Variants in ADAMTSL3 observed in about 807,000 individuals in gnomAD.
ADAMTSL3 encodes the protein ADAMTS like 3, also known as ADAMTS-like protein 3.
Under a neutral mutation model 201.7 loss-of-function variants are expected in ADAMTSL3, and 128 were observed. That is an observed-to-expected ratio of 0.63 (90% CI 0.55 to 0.73). The LOEUF (loss-of-function observed/expected upper bound fraction) is 0.73. Among genes scored for constraint, ADAMTSL3 ranks in the 30% least tolerant of loss-of-function variants. ADAMTSL3 has a pLI of 0.00. For synonymous variants in ADAMTSL3, 738 were observed against 748.4 expected (o/e 0.99, Z 0.23); for missense variants, 1,990 against 2,119.6 (o/e 0.94, Z 1.20).
chr15:83,957,069 A>G lies in ADAMTSL3; in HGVS notation c.2491-13415A>G, dbSNP rs550607809. ...CAGAGCTACGTGAAAATTGAAGGGAAACGTTTAAGTCTGCCTGGGTCACTG... is the reference window on the plus strand; with the variant it reads ...CAGAGCTACGTGAAAATTGAAGGGAGACGTTTAAGTCTGCCTGGGTCACTG... On this transcript the variant is annotated intron_variant, in intron 19 of 29. Coordinates refer to ENST00000286744, the MANE Select transcript of ADAMTSL3 (RefSeq NM_207517.3). 2.0e-5 allele frequency among the ~76,000 whole-genome samples: 3 copies of G among 152,320 alleles called. No homozygotes were observed. In the East Asian group the frequency reaches 5.8e-4, roughly 29 times the overall value.
At chr15:83,937,554 AG>A (rs1411152262) in intron 17 of ADAMTSL3, among the ~76,000 whole-genome samples, 1 of 150,858 alleles carries the variant, frequency 6.6e-6, no homozygotes. Flanking sequence ...AGTACCTACC[AG>A]GTACTATGCT....
At chr15:83,690,429 C>T (rs375495412) in intron 2 of ADAMTSL3, among the ~76,000 whole-genome samples, 3 of 152,246 alleles carry the variant, frequency 2.0e-5, no homozygotes, top group South Asian at 2.1e-4. Context: ...TGTTGCCCCC[C>T]GTCTCCTGTC....
At chr15:83,752,066 G>A (rs2062644872) in intron 3 of ADAMTSL3, among the ~76,000 whole-genome samples, 1 of 152,160 alleles carries the variant, frequency 6.6e-6, no homozygotes, top group Non-Finnish European at 1.5e-5. Flanking sequence ...GGCTACTGAT[G>A]CAATTGAAGA....
intron 9 of ADAMTSL3, among the ~76,000 whole-genome samples, chr15:83,884,324 TG>T (rs2065343569): frequency 6.6e-6 from 1 of 150,382 alleles, no homozygotes; most frequent in South Asian, 2.1e-4. Flanking sequence ...GTTACCTCAT[TG>T]GTGCCCTATT....
chr15:83,971,578 G>GA (rs1484317891), intron 20 of ADAMTSL3, among the ~76,000 whole-genome samples: 1 of 102,144 alleles, frequency 9.8e-6, no homozygotes, highest in African/African-American at 3.1e-5. Context: ...AAAAAAAAAA[G>GA]AAAGAAAGAA....
chr15:83,823,425 G>C (rs2063930418), intron 6 of ADAMTSL3, among the ~76,000 whole-genome samples: 1 of 152,064 alleles, frequency 6.6e-6, no homozygotes, highest in African/African-American at 2.4e-5. Flanking sequence ...TTTCAAACTA[G>C]CTTCAACTTT....
intron 17 of ADAMTSL3, among the ~76,000 whole-genome samples, chr15:83,936,761 T>C (rs953658186): frequency 6.6e-6 from 1 of 150,962 alleles, no homozygotes; most frequent in Admixed American, 6.6e-5. Context: ...TAGCAAACTA[T>C]GCATCCAGTG....
chr15:83,982,985 G>C lies in ADAMTSL3; in HGVS notation c.3357G>C (p.Gln1119His), dbSNP rs771953353. 6.2e-7 allele frequency: 1 copy of C among 1,614,172 alleles called. No individual in the cohort carries two copies. The highest frequency in any genetic ancestry group is 8.5e-7 in the Non-Finnish European group (1 of 1,180,038). Reference protein sequence around the residue: ...TGEVSDDLASQLIYQLVAELA... With the variant: ...TGEVSDDLASHLIYQLVAELA... ...AGGTCAGCGATGATCTTGCGTCCCAGCTGATATATCAGCTGGTGGCCGAAT... is the reference window on the plus strand; with the variant it reads ...AGGTCAGCGATGATCTTGCGTCCCACCTGATATATCAGCTGGTGGCCGAAT... The change falls in exon 21 of 30, where the codon CAG becomes CAC. Residue 1119 changes from glutamine (Q) to histidine (H), a missense_variant. Coordinates refer to ENST00000286744, the MANE Select transcript of ADAMTSL3 (RefSeq NM_207517.3).
chr15:83,771,456 C>G (rs986646503), intron 3 of ADAMTSL3, among the ~76,000 whole-genome samples: 26 of 152,144 alleles, frequency 1.7e-4, no homozygotes, highest in Non-Finnish European at 3.4e-4. Flanking sequence ...CCTTATCACC[C>G]CAGTCCCTGG....
rs766451157 is a variant in ADAMTSL3, at chr15:83,704,417, A to T, written c.98A>T (p.Tyr33Phe). 1 of 1,614,102 alleles carries T rather than the reference A, an allele frequency of 6.2e-7. No individual in the cohort carries two copies. The highest frequency in any genetic ancestry group is 2.2e-5 in the East Asian group (1 of 44,882). The change falls in exon 3 of 30, where the codon TAT (tyrosine) becomes TTT (phenylalanine). Residue 33 changes from tyrosine to phenylalanine, a missense_variant. Coordinates refer to ENST00000286744, the MANE Select transcript of ADAMTSL3 (RefSeq NM_207517.3). ...ACAGCTGAGAAATCTCCTGGAGCCT[A>T]TTTCCTTCCCGAGTTTGCACTTTCT... is the stretch of plus-strand genomic sequence containing the variant. ...QTTAEKSPGA[Y>F]FLPEFALSPQ...
chr15:83,829,737 C>T lies in ADAMTSL3; in HGVS notation c.601-8352C>T, dbSNP rs549641218. ...TTCTGGTATGTTGTGTCTTTGTTCT[C>T]ATAGGTTTCAAAGAACATCTTTATT... On this transcript the variant is annotated intron_variant, in intron 6 of 29. Coordinates refer to ENST00000286744, the MANE Select transcript of ADAMTSL3 (RefSeq NM_207517.3). Among the ~76,000 whole-genome samples the T allele has an allele frequency of 2.6e-5, 4 of 152,104 alleles. No individual in the cohort carries two copies. In the South Asian group the frequency reaches 8.3e-4, roughly 31 times the overall value.
At chr15:83,896,933 A>G (rs1394624768) in intron 13 of ADAMTSL3, among the ~76,000 whole-genome samples, 2 of 152,202 alleles carry the variant, frequency 1.3e-5, no homozygotes, top group African/African-American at 4.8e-5. Flanking sequence ...GAGAGAGAGC[A>G]TGAAAGGGGA....
chr15:83,700,907 C>CT lies in ADAMTSL3; in HGVS notation c.70-3481dup, dbSNP rs2061766770. On this transcript the variant is annotated intron_variant, in intron 2 of 29. Transcript: ENST00000286744. ...AACAGTCTAGTGCTATCTAAGCCAT[C>CT]TAGTCTAGTGGAGTTATCTCTTCTA... 3.3e-5 allele frequency among the ~76,000 whole-genome samples: 5 copies of CT among 152,342 alleles called. 1 individual carries two copies. In the South Asian group the frequency reaches 1.0e-3, roughly 32 times the overall value.
intron 15 of ADAMTSL3, among the ~76,000 whole-genome samples, chr15:83,905,123 G>C: frequency 6.6e-6 from 1 of 152,200 alleles, no homozygotes; most frequent in East Asian, 1.9e-4. Flanking sequence ...TTAAGTGGTG[G>C]ACAGTGATTC....
chr15:83,757,428 G>C (rs1384930279), intron 3 of ADAMTSL3, among the ~76,000 whole-genome samples: 1 of 151,882 alleles, frequency 6.6e-6, no homozygotes, highest in African/African-American at 2.4e-5. Flanking sequence ...TTTTAGCTGA[G>C]TGGCTGAGTG....
chr15:83,904,916 A>T (rs1178067168), intron 15 of ADAMTSL3, among the ~76,000 whole-genome samples: 1 of 152,216 alleles, frequency 6.6e-6, no homozygotes, highest in Non-Finnish European at 1.5e-5. Flanking sequence ...ACATTTCAGG[A>T]ATCTGTTTTT....
At chr15:83,959,358 G>T (rs1028496891) in intron 19 of ADAMTSL3, among the ~76,000 whole-genome samples, 4 of 152,186 alleles carry the variant, frequency 2.6e-5, no homozygotes, top group Non-Finnish European at 4.4e-5. Context: ...GAACCCAGGA[G>T]GCAGAGTTTG....
intron 9 of ADAMTSL3, among the ~76,000 whole-genome samples, chr15:83,877,242 A>G (rs376540662): frequency 5.8e-4 from 88 of 152,146 alleles, no homozygotes; most frequent in Non-Finnish European, 4.9e-4. Context: ...ATATTCTTCT[A>G]TGTTTGTGTT....
chr15:83,741,819 A>G (rs2062459699), intron 3 of ADAMTSL3, among the ~76,000 whole-genome samples: 1 of 152,142 alleles, frequency 6.6e-6, no homozygotes, highest in African/African-American at 2.4e-5. Context: ...CAACATAGCT[A>G]GACCCCTTAT....
Sources: gnomAD v4.1 joint callset for allele counts (sites outside exome capture counted in the v4.1 genomes callset) on GRCh38, gnomAD v4.1.1 for gene constraint, MANE v1.5 for transcripts, NCBI Gene and HGNC (gene_info 2026-07-23, HGNC 2026-07-21) for gene names.